The following MRPL54 variants were observed in gnomAD, a reference collection of about 807,000 sequenced individuals.
The protein encoded by MRPL54 is mitochondrial ribosomal protein L54.
Under a neutral mutation model 15.6 loss-of-function variants are expected in MRPL54, and 12 were observed. That is an observed-to-expected ratio of 0.77 (90% CI 0.49 to 1.24). MRPL54 has a LOEUF of 1.24. Ranked by LOEUF, MRPL54 falls within the 50% of genes most tolerant of loss-of-function variation. MRPL54 has a pLI of 0.00. For missense variants in MRPL54, 178 were observed against 186.8 expected (o/e 0.95, Z 0.28); for synonymous variants, 91 against 75.7 (o/e 1.20, Z -1.05).
rs770572753 is a variant in MRPL54, at chr19:3,767,278, T to C, written c.302T>C (p.Leu101Ser). ...EYPEWLFEMNLGPPKTLEELD... is the reference protein window; with the variant it reads ...EYPEWLFEMNSGPPKTLEELD... ...CCCGTCAGGCTGTTCGAGATGAACTTGGGTCCCCCAAAGACCCTGGAGGAG... is the reference window on the plus strand; with the variant it reads ...CCCGTCAGGCTGTTCGAGATGAACTCGGGTCCCCCAAAGACCCTGGAGGAG... Residue 101 changes from leucine to serine, a missense_variant, in exon 3 of 3, where the codon TTG (leucine) becomes TCG (serine). Physicochemically the swap from Leu to Ser is moderately radical, Grantham distance 145 (BLOSUM62 -2). Transcript: ENST00000330133. 6.2e-7 allele frequency: 1 copy of C among 1,612,572 alleles called. No homozygotes were observed. The highest frequency in any genetic ancestry group is 1.1e-5 in the South Asian group (1 of 91,022).
In MRPL54 at chr19:3,767,488, C is replaced by G; in HGVS notation, c.*95C>G. Reference sequence around the variant, plus strand: ...GTGAGACAAGAGGCGGCTCCCCAGCCTGGGTTTCCATGTGACCCCACAGTG... The same window carrying G: ...GTGAGACAAGAGGCGGCTCCCCAGCGTGGGTTTCCATGTGACCCCACAGTG... On this transcript the variant is annotated 3_prime_UTR_variant, in exon 3 of 3. Coordinates refer to ENST00000330133, the MANE Select transcript of MRPL54 (RefSeq NM_172251.3). 1 of 1,535,768 alleles carries G rather than the reference C, an allele frequency of 6.5e-7. No homozygotes were observed.
At position 3,762,738 on chromosome 19, in the gene MRPL54, G is replaced by A. The variant is rs1358795364; in HGVS notation, c.38G>A (p.Trp13Ter). 2 of 1,611,366 alleles carry A rather than the reference G, an allele frequency of 1.2e-6. No homozygotes were observed. The highest frequency in any genetic ancestry group is 1.7e-4 in the Middle Eastern group (1 of 6,054). The change falls in exon 1 of 3, where the codon TGG becomes TAG. Residue 13 changes from tryptophan (W) to a stop codon, truncating the protein, a stop_gained. Coordinates refer to ENST00000330133, the MANE Select transcript of MRPL54 (RefSeq NM_172251.3). LOFTEE classifies it high-confidence loss of function. ...CGCCTTTTCGGGGCTACCCGGACGTGGGCCGGCTGGGGGGCCTGGGAGCTC... is the reference window on the plus strand; with the variant it reads ...CGCCTTTTCGGGGCTACCCGGACGTAGGCCGGCTGGGGGGCCTGGGAGCTC... ...TKRLFGATRT[W>*]AGWGAWELLN...
chr19:3,764,894 G>A (rs181038342), intron 1 of MRPL54, among the ~76,000 whole-genome samples: 555 of 152,046 alleles, frequency 3.7e-3, no homozygotes, highest in Non-Finnish European at 6.7e-3. Context: ...TGGGCGTGGT[G>A]GTGGGCGCCT....
chr19:3,762,861 C>G (rs1002707242), intron 1 of MRPL54, 43 bp downstream of exon 1: 1 of 1,445,064 alleles, frequency 6.9e-7, no homozygotes, highest in African/African-American at 1.5e-5. Context: ...GGTGGGTGCA[C>G]TGAGGAATTG....
chr19:3,762,792 T>C lies in MRPL54; in HGVS notation c.92T>C (p.Leu31Pro). Residue 31 changes from leucine to proline, a missense_variant, in exon 1 of 3, where the codon CTG (leucine) becomes CCG (proline). By Grantham distance (98) the Leu-to-Pro change is moderately conservative (BLOSUM62 -3). Coordinates refer to ENST00000330133, the MANE Select transcript of MRPL54 (RefSeq NM_172251.3). ...LLNPATSGRLLARDYAKKPVM... is the reference protein window; with the variant it reads ...LLNPATSGRLPARDYAKKPVM... ...AACCCCGCCACTTCCGGAAGACTCCTGGCCCGGGATTATGCCAAGAAACCA... is the reference window on the plus strand; with the variant it reads ...AACCCCGCCACTTCCGGAAGACTCCCGGCCCGGGATTATGCCAAGAAACCA... The C allele has an allele frequency of 6.3e-7, 1 of 1,594,290 alleles. No individual in the cohort carries two copies.
Position 3,767,394 on chromosome 19 carries a change from C to T in MRPL54, c.*1C>T. 2 of 1,608,884 alleles carry T rather than the reference C, an allele frequency of 1.2e-6. No homozygotes were observed. Among genetic ancestry groups the T allele is most frequent in the Non-Finnish European group, 1.7e-6 (2 of 1,178,142 alleles). ...GCTGAGCAAGAACAAGAGGTTGTAGCATGGAGGGCCCGGCATCGCTGACCC... is the reference window on the plus strand; with the variant it reads ...GCTGAGCAAGAACAAGAGGTTGTAGTATGGAGGGCCCGGCATCGCTGACCC... On this transcript the variant is annotated 3_prime_UTR_variant, in exon 3 of 3. Transcript: ENST00000330133.
At chr19:3,764,183 C>A (rs1277121644) in intron 1 of MRPL54, among the ~76,000 whole-genome samples, 7 of 150,180 alleles carry the variant, frequency 4.7e-5, no homozygotes, top group East Asian at 2.0e-4. Flanking sequence ...CCTGGGTTCA[C>A]GCCATTCTCC....
At chr19:3,766,597 TCC>T (rs1422644414) in intron 2 of MRPL54, among the ~76,000 whole-genome samples, 1 of 152,020 alleles carries the variant, frequency 6.6e-6, no homozygotes, top group Non-Finnish European at 1.5e-5. Context: ...CAGACACAAG[TCC>T]CCACCCTGGC....
chr19:3,765,162 C>A lies in MRPL54; in HGVS notation c.119-4C>A. The A allele has an allele frequency of 6.2e-7, 1 of 1,608,222 alleles. No individual in the cohort carries two copies. The highest frequency in any genetic ancestry group is 8.5e-7 in the Non-Finnish European group (1 of 1,177,276). On this transcript the variant is annotated splice_region_variant and splice_polypyrimidine_tract_variant and intron_variant, in intron 1 of 2. Transcript: ENST00000330133. Reference sequence around the variant, plus strand: ...TGAAATGACTCTCCCTCTCGTCTCCCCAGTTATGAAGGGGGCCAAATCGGG... The same window carrying A: ...TGAAATGACTCTCCCTCTCGTCTCCACAGTTATGAAGGGGGCCAAATCGGG...
intron 1 of MRPL54, among the ~76,000 whole-genome samples, chr19:3,763,644 T>A (rs1422335713): frequency 6.7e-6 from 1 of 148,444 alleles, no homozygotes; most frequent in African/African-American, 2.5e-5. Flanking sequence ...CCTGGCGCGG[T>A]AGCTCACGCC....
chr19:3,764,411 A>AT (rs200962446), intron 1 of MRPL54, among the ~76,000 whole-genome samples: 1,991 of 147,532 alleles, frequency 0.013, 47 homozygotes, highest in African/African-American at 0.047. Flanking sequence ...AATTTTTTAG[A>AT]TTTTTTATTT....
rs1398452263 is a variant in MRPL54, at chr19:3,762,759, A to G, written c.59A>G (p.Glu20Gly). The change falls in exon 1 of 3, where the codon GAG becomes GGG. Residue 20 changes from glutamate (E) to glycine (G), a missense_variant. Glu to Gly is a moderately conservative substitution (Grantham distance 98, BLOSUM62 -2). Transcript: ENST00000330133. ...ACGTGGGCCGGCTGGGGGGCCTGGGAGCTCCTAAACCCCGCCACTTCCGGA... is the reference window on the plus strand; with the variant it reads ...ACGTGGGCCGGCTGGGGGGCCTGGGGGCTCCTAAACCCCGCCACTTCCGGA... The part of the protein sequence containing the change: ...TRTWAGWGAW[E>G]LLNPATSGRL... 3 of 1,609,718 alleles carry G rather than the reference A, an allele frequency of 1.9e-6. No individual in the cohort carries two copies. In the African/African-American group the frequency reaches 4.0e-5, roughly 22 times the overall value.
Position 3,762,731 on chromosome 19 carries a change from C to G in MRPL54, c.31C>G (p.Arg11Gly), listed in dbSNP as rs767955962. Residue 11 changes from arginine to glycine, a missense_variant, in exon 1 of 3, where the codon CGG becomes GGG. Transcript: ENST00000330133. MATKRLFGAT[R>G]TWAGWGAWEL... The stretch of plus-strand genomic sequence containing the variant: ...GACCAAACGCCTTTTCGGGGCTACC[C>G]GGACGTGGGCCGGCTGGGGGGCCTG... 8 of 1,611,470 alleles carry G rather than the reference C, an allele frequency of 5.0e-6. No homozygotes were observed. The highest frequency in any genetic ancestry group is 5.9e-6 in the Non-Finnish European group (7 of 1,179,080).
chr19:3,765,416 A>T, intron 2 of MRPL54, 85 bp downstream of exon 2: 2 of 1,469,592 alleles, frequency 1.4e-6, no homozygotes, highest in Non-Finnish European at 1.9e-6. Flanking sequence ...GCGGATCGCC[A>T]CTCCAGCCGG....
Position 3,765,168 on chromosome 19 carries a change from A to G in MRPL54, c.121A>G (p.Met41Val), listed in dbSNP as rs770537254. ...GACTCTCCCTCTCGTCTCCCCAGTTATGAAGGGGGCCAAATCGGGAAAAGG... is the reference window on the plus strand; with the variant it reads ...GACTCTCCCTCTCGTCTCCCCAGTTGTGAAGGGGGCCAAATCGGGAAAAGG... ...LARDYAKKPV[M>V]KGAKSGKGAV... The change falls in exon 2 of 3, where the codon ATG (methionine) becomes GTG (valine). Residue 41 changes from methionine to valine, a missense_variant and splice_region_variant. Transcript: ENST00000330133. 1 of 1,610,436 alleles carries G rather than the reference A, an allele frequency of 6.2e-7. No individual in the cohort carries two copies. The highest frequency in any genetic ancestry group is 1.1e-5 in the South Asian group (1 of 90,696).
At chr19:3,766,781 GCAGTGGGCA>G (rs2037202062) in intron 2 of MRPL54, among the ~76,000 whole-genome samples, 1 of 152,222 alleles carries the variant, frequency 6.6e-6, no homozygotes, top group South Asian at 2.1e-4. Flanking sequence ...GGCTTTCCAG[GCAGTGGGCA>G]CAGCCTGTGC....
In MRPL54 at chr19:3,764,780, A is replaced by G. The variant is rs557191891; in HGVS notation, c.119-386A>G. ...GCGGTGGCTCACGCCTGTAATCCCAACACTTTGGGAGGCCAAGGTGGGCAG... is the reference window on the plus strand; with the variant it reads ...GCGGTGGCTCACGCCTGTAATCCCAGCACTTTGGGAGGCCAAGGTGGGCAG... On this transcript the variant is annotated intron_variant, in intron 1 of 2. Transcript: ENST00000330133. 5.3e-3 allele frequency among the ~76,000 whole-genome samples: 801 copies of G among 151,524 alleles called. 4 individuals are homozygous for G. Among genetic ancestry groups the G allele is most frequent in the Non-Finnish European group, 7.7e-3 (519 of 67,784 alleles).
intron 1 of MRPL54, among the ~76,000 whole-genome samples, chr19:3,764,804 A>G (rs979690134): frequency 1.3e-4 from 20 of 151,790 alleles, no homozygotes; most frequent in African/African-American, 2.9e-4. Flanking sequence ...CAAGGTGGGC[A>G]GATCACGAGG....
intron 1 of MRPL54, among the ~76,000 whole-genome samples, chr19:3,763,603 A>G (rs1465607215): frequency 2.3e-5 from 3 of 127,942 alleles, no homozygotes; most frequent in Non-Finnish European, 4.8e-5. Flanking sequence ...ACATAGCAGG[A>G]CCCTGTTTGT....
Sources: allele counts gnomAD v4.1 joint callset (sites outside exome capture counted in the v4.1 genomes callset), GRCh38; gene constraint gnomAD v4.1.1; transcripts MANE v1.5; gene names NCBI Gene and HGNC (gene_info 2026-07-23, HGNC 2026-07-21).